SUCLG1: variants seen among roughly 807,000 people sequenced by gnomAD.
SUCLG1 encodes succinate--CoA ligase [ADP/GDP-forming] subunit alpha, mitochondrial.
A neutral mutation model predicts 37.3 loss-of-function variants in SUCLG1; 26 were observed. The ratio of observed to expected loss-of-function variants is 0.70; its 90% CI spans 0.51 to 0.97. SUCLG1 has a LOEUF of 0.97. Among genes scored for constraint, SUCLG1 ranks in the 50% least tolerant of loss-of-function variants. The pLI is 0.00. For synonymous variants in SUCLG1, 163 were observed against 155.6 expected, an observed-to-expected ratio of 1.05 and a Z score of -0.36; for missense variants, 433 against 432.9, an observed-to-expected ratio of 1.00 and a Z score of 0.00.
At chr2:84,443,471 T>C (rs1213004282) in intron 2 of SUCLG1, 71 bp from the exon 3 acceptor site, 15 of 1,301,068 alleles carry the variant, frequency 1.2e-5, no homozygotes, top group African/African-American at 1.0e-4. Flanking sequence ...AAAGCAATCT[T>C]AGCAACTTAG....
intron 5 of SUCLG1, among the ~76,000 whole-genome samples, chr2:84,437,396 TAAC>T (rs1236121848): frequency 6.6e-6 from 1 of 152,170 alleles, no homozygotes; most frequent in African/African-American, 2.4e-5. Context: ...CTGAAAAAGA[TAAC>T]AAATGGCAAA....
At chr2:84,426,312 T>C (rs774165797) in intron 7 of SUCLG1, 2 of 151,718 alleles carry the variant, frequency 1.3e-5, no homozygotes, top group Non-Finnish European at 2.9e-5. Context: ...AAAATGTCTG[T>C]ACTCTAGACA....
intron 7 of SUCLG1, among the ~76,000 whole-genome samples, chr2:84,430,718 C>G (rs1014152583): frequency 6.6e-6 from 1 of 152,058 alleles, no homozygotes; most frequent in African/African-American, 2.4e-5. Flanking sequence ...CTTGCCTGGT[C>G]CCCTGAAGAA....
chr2:84,431,834 T>G (rs1672618313), intron 6 of SUCLG1, among the ~76,000 whole-genome samples, 175 bp from the exon 7 acceptor site: 1 of 152,228 alleles, frequency 6.6e-6, no homozygotes, highest in African/African-American at 2.4e-5. Flanking sequence ...TACATTTATT[T>G]CTGTTGGTAA....
intron 5 of SUCLG1, 124 bp from the exon 6 acceptor site, chr2:84,433,559 AT>A: frequency 1.3e-6 from 1 of 790,860 alleles, no homozygotes; most frequent in Non-Finnish European, 2.2e-6. Context: ...ATGATTTGCC[AT>A]CAAAATCAAT....
chr2:84,443,170 A>G (rs1236043828), intron 3 of SUCLG1, 114 bp downstream of exon 3: 47 of 964,580 alleles, frequency 4.9e-5, no homozygotes, highest in Non-Finnish European at 2.5e-5. Flanking sequence ...AGGTTACTGA[A>G]TTTTCAAATA....
intron 1 of SUCLG1, among the ~76,000 whole-genome samples, chr2:84,457,759 A>G (rs1045935643): frequency 6.6e-6 from 1 of 152,132 alleles, no homozygotes; most frequent in African/African-American, 2.4e-5. Context: ...AACCATATCC[A>G]ATATACTTCA....
At chr2:84,431,220 C>T (rs1398473832) in intron 7 of SUCLG1, among the ~76,000 whole-genome samples, 2 of 152,178 alleles carry the variant, frequency 1.3e-5, no homozygotes, top group African/African-American at 2.4e-5. Context: ...AGGTCAAGTG[C>T]GGGCTCTCGG....
chr2:84,433,688 A>C (rs1009203591), intron 5 of SUCLG1: 3 of 499,808 alleles, frequency 6.0e-6, no homozygotes, highest in East Asian at 7.5e-5. Flanking sequence ...CTATAAAAAC[A>C]ATGCAAGAAA....
chr2:84,425,671 G>T, intron 7 of SUCLG1, 68 bp from the exon 8 acceptor site: 1 of 1,555,624 alleles, frequency 6.4e-7, no homozygotes, highest in Non-Finnish European at 8.9e-7. Flanking sequence ...TCAAATTCAT[G>T]ACTCTGCTGG....
In SUCLG1 at chr2:84,433,244, A is replaced by G. The variant is rs761419126; in HGVS notation, c.673+108T>C. ...AATTTGAGATCGTAACATCCTTTTCATAAGAGTATCAAAATCTTTTGCAAA... is the reference window on the plus strand; with the variant it reads ...AATTTGAGATCGTAACATCCTTTTCGTAAGAGTATCAAAATCTTTTGCAAA... On this transcript the variant is annotated intron_variant, in intron 6 of 8. Transcript: ENST00000393868. 3 of 944,122 alleles carry G rather than the reference A, an allele frequency of 3.2e-6. No homozygotes were observed. In the South Asian group the frequency reaches 4.2e-5, roughly 13 times the overall value. The allele number at this position is 944,122 out of a possible 1,614,324, so 58.5% of individuals were successfully genotyped here. A position where few individuals can be genotyped will look rare whatever the true frequency, so the allele number is the denominator to read the frequency against.
At chr2:84,424,402 C>T (rs1193582664) in intron 8 of SUCLG1, among the ~76,000 whole-genome samples, 2 of 152,108 alleles carry the variant, frequency 1.3e-5, no homozygotes, top group African/African-American at 4.8e-5. Context: ...TAAGCATTTG[C>T]TTTTCTCCTT....
chr2:84,454,045 T>G (rs1672983480), intron 1 of SUCLG1, among the ~76,000 whole-genome samples: 1 of 152,200 alleles, frequency 6.6e-6, no homozygotes, highest in Admixed American at 6.5e-5. Flanking sequence ...GATATTAATA[T>G]GAAATTACTC....
At chr2:84,456,540 G>A (rs1673022976) in intron 1 of SUCLG1, among the ~76,000 whole-genome samples, 1 of 152,156 alleles carries the variant, frequency 6.6e-6, no homozygotes, top group Non-Finnish European at 1.5e-5. Flanking sequence ...ATTACTTTAT[G>A]CTTCTCTTAA....
At chr2:84,432,021 G>A (rs1242174026) in intron 6 of SUCLG1, among the ~76,000 whole-genome samples, 1 of 152,116 alleles carries the variant, frequency 6.6e-6, no homozygotes, top group Non-Finnish European at 1.5e-5. Flanking sequence ...TATCTGTGTT[G>A]CATGCTGATG....
intron 5 of SUCLG1, among the ~76,000 whole-genome samples, chr2:84,435,540 C>T (rs1255342303): frequency 2.0e-5 from 3 of 152,204 alleles, no homozygotes; most frequent in East Asian, 1.9e-4. Context: ...GTCCTGGAGG[C>T]GCTGCCTGCT....
intron 3 of SUCLG1, among the ~76,000 whole-genome samples, chr2:84,441,831 G>A (rs1672778827): frequency 6.6e-6 from 1 of 152,048 alleles, no homozygotes; most frequent in Admixed American, 6.5e-5. Flanking sequence ...AACAGAGGGG[G>A]AGACACAAAA....
intron 1 of SUCLG1, among the ~76,000 whole-genome samples, chr2:84,456,805 AGGC>A (rs1673027754): frequency 6.6e-6 from 1 of 152,144 alleles, no homozygotes; most frequent in South Asian, 2.1e-4. Flanking sequence ...CTGGGATTAC[AGGC>A]GCCTGCCACC....
At chr2:84,436,235 C>A (rs1672685521) in intron 5 of SUCLG1, among the ~76,000 whole-genome samples, 1 of 152,132 alleles carries the variant, frequency 6.6e-6, no homozygotes, top group South Asian at 2.1e-4. Context: ...TTTGAGGTCA[C>A]TTTTAGGTAA....
Sources: allele counts gnomAD v4.1 joint callset (sites outside exome capture counted in the v4.1 genomes callset), GRCh38; gene constraint gnomAD v4.1.1; transcripts MANE v1.5; gene names NCBI Gene and HGNC (gene_info 2026-07-23, HGNC 2026-07-21).